POGLUT1: variants seen among roughly 807,000 people sequenced by gnomAD.
POGLUT1 encodes protein O-glucosyltransferase 1, also known as 9630046K23Rik.
Under a neutral mutation model 61.3 loss-of-function variants are expected in POGLUT1, and 32 were observed. The observed-to-expected ratio is 0.52, with a 90% CI of 0.39 to 0.70. The LOEUF (loss-of-function observed/expected upper bound fraction) is 0.70. Among genes scored for constraint, POGLUT1 ranks in the 30% least tolerant of loss-of-function variants. The pLI is 0.00. For missense variants in POGLUT1, 411 were observed against 469.8 expected (o/e 0.87, Z 1.16); for synonymous variants, 158 against 158.2 (o/e 1.00, Z 0.01).
intron 3 of POGLUT1, among the ~76,000 whole-genome samples, chr3:119,473,676 T>A (rs1317283642): frequency 8.0e-5 from 12 of 150,218 alleles, no homozygotes; most frequent in Admixed American, 2.0e-4. Context: ...TTTTTTTTTT[T>A]GAGAGAGAGA....
intron 2 of POGLUT1, 41 bp downstream of exon 2, chr3:119,469,951 C>A: frequency 8.7e-7 from 1 of 1,144,962 alleles, no homozygotes; most frequent in Non-Finnish European, 1.3e-6. Context: ...AGTTTAGTTG[C>A]TGTCACAGGA....
At chr3:119,469,426 G>C (rs2081440380) in intron 1 of POGLUT1, among the ~76,000 whole-genome samples, 1 of 152,266 alleles carries the variant, frequency 6.6e-6, no homozygotes. Flanking sequence ...GGGGATGGGG[G>C]CAAATGTCGT....
chr3:119,480,200 T>C (rs1015903756), intron 5 of POGLUT1, 28 bp downstream of exon 5: 1 of 1,516,278 alleles, frequency 6.6e-7, no homozygotes, highest in Non-Finnish European at 8.9e-7. Flanking sequence ...GTTTTATTTT[T>C]TCTCTTTCTG....
chr3:119,490,825 T>C (rs2081735534), intron 9 of POGLUT1, 107 bp downstream of exon 9: 1 of 926,136 alleles, frequency 1.1e-6, no homozygotes, highest in South Asian at 1.9e-5. Flanking sequence ...AGTCCTACGA[T>C]TTTTTTCCAT....
intron 5 of POGLUT1, among the ~76,000 whole-genome samples, chr3:119,483,259 G>A (rs986690002): frequency 6.6e-6 from 1 of 152,134 alleles, no homozygotes; most frequent in African/African-American, 2.4e-5. Context: ...AGAGCAGAAA[G>A]TTGGAAACTA....
intron 1 of POGLUT1, among the ~76,000 whole-genome samples, chr3:119,469,549 C>T (rs952487022): frequency 1.2e-4 from 18 of 152,190 alleles, no homozygotes; most frequent in Non-Finnish European, 1.9e-4. Flanking sequence ...AAGTGAGAGT[C>T]CGCGTCACTA....
chr3:119,469,013 C>T lies in POGLUT1; in HGVS notation c.-9C>T. ...CCGCAGCGGGGAATCTGCAGTAGGT[C>T]TGCCGGCGATGGAGTGGTGGGCTAG... On this transcript the variant is annotated 5_prime_UTR_variant, in exon 1 of 11. Coordinates refer to ENST00000295588, the MANE Select transcript of POGLUT1 (RefSeq NM_152305.3). 1 of 1,605,672 alleles carries T rather than the reference C, an allele frequency of 6.2e-7. No homozygotes were observed. Among genetic ancestry groups the T allele is most frequent in the Non-Finnish European group, 8.5e-7 (1 of 1,177,298 alleles).
At position 119,494,102 on chromosome 3, in the gene POGLUT1, ATTC is replaced by A. The variant is rs1430220766; in HGVS notation, c.*1665_*1667del. 2.6e-5 allele frequency: 4 copies of A among 152,168 alleles called. No individual in the cohort carries two copies. The highest frequency in any genetic ancestry group is 9.7e-5 in the African/African-American group (4 of 41,440). The allele number at this position is 152,168 out of a possible 1,614,324, so 9.4% of individuals were successfully genotyped here. A position where few individuals can be genotyped will look rare whatever the true frequency, so the allele number is the denominator to read the frequency against. ...CATCACCTTCTTTCTGACTCCTTTC[ATTC>A]ATTCCTCCAGGCAGTAAGGGGCTAC... On this transcript the variant is annotated 3_prime_UTR_variant, in exon 11 of 11. Transcript: ENST00000295588.
intron 5 of POGLUT1, among the ~76,000 whole-genome samples, 190 bp from the exon 6 acceptor site, chr3:119,485,138 A>G (rs1190622766): frequency 6.6e-6 from 1 of 151,776 alleles, no homozygotes; most frequent in Admixed American, 6.6e-5. Context: ...AATGGCATGA[A>G]CCCAGGAAGG....
At chr3:119,475,997 CACAT>C (rs774272017) in intron 3 of POGLUT1, among the ~76,000 whole-genome samples, 6,673 of 95,904 alleles carry the variant, frequency 0.07, 246 homozygotes, top group East Asian at 0.19. Flanking sequence ...CACACACAAA[CACAT>C]ACAGAGTTGC....
Position 119,469,310 on chromosome 3 carries a change from T to G in POGLUT1, c.85+204T>G. The G allele has an allele frequency of 1.7e-5, 10 of 589,396 alleles. No homozygotes were observed. In the South Asian group the frequency reaches 2.0e-4, roughly 12 times the overall value. The allele number at this position is 589,396 out of a possible 1,614,324, so 36.5% of individuals were successfully genotyped here. ...CTCTGGACCCTGGAGAGTAACCCAT[T>G]CCCCGGAATTCAGAATGACAGGGAG... On this transcript the variant is annotated intron_variant, in intron 1 of 10. Coordinates refer to ENST00000295588, the MANE Select transcript of POGLUT1 (RefSeq NM_152305.3).
chr3:119,479,263 C>T (rs1054265417), intron 4 of POGLUT1, among the ~76,000 whole-genome samples: 1 of 152,058 alleles, frequency 6.6e-6, no homozygotes, highest in Non-Finnish European at 1.5e-5. Context: ...TGATAACACC[C>T]CTTCTCATTT....
At chr3:119,480,006 C>G (rs1253815185) in intron 4 of POGLUT1, 45 bp from the exon 5 acceptor site, 2 of 1,610,096 alleles carry the variant, frequency 1.2e-6, no homozygotes, top group African/African-American at 1.3e-5. Flanking sequence ...CCTCTTTTCA[C>G]TGTTCCAAGA....
intron 5 of POGLUT1, among the ~76,000 whole-genome samples, chr3:119,482,496 T>A (rs2081616873): frequency 6.6e-6 from 1 of 152,202 alleles, no homozygotes; most frequent in African/African-American, 2.4e-5. Flanking sequence ...CGTGTAGTTA[T>A]TAATACCATT....
intron 5 of POGLUT1, among the ~76,000 whole-genome samples, chr3:119,480,382 GGGATTACAGGCATGTGCCACCAC>G (rs2081592029): frequency 6.6e-6 from 1 of 151,868 alleles, no homozygotes; most frequent in South Asian, 2.1e-4. Context: ...CCGAGTAGCT[GGGATTACAGGCATGTGCCACCAC>G]ACCCGGCTAA....
At chr3:119,490,374 A>G (rs1014886396) in intron 8 of POGLUT1, 177 bp from the exon 9 acceptor site, 1 of 608,698 alleles carries the variant, frequency 1.6e-6, no homozygotes, top group African/African-American at 1.9e-5. Flanking sequence ...TAGCCCTGGT[A>G]AAGTGGCTGA....
Position 119,490,729 on chromosome 3 carries a change from AT to A in POGLUT1, c.965+12del. On this transcript the variant is annotated intron_variant, in intron 9 of 10. Transcript: ENST00000295588. ...TCTCTCCAATGTCCAGTAAGCAGTT[AT>A]CCCCCAATGCAGAGTTTCTAAAGAC... 1.9e-6 allele frequency: 3 copies of A among 1,611,176 alleles called. No individual in the cohort carries two copies. Among genetic ancestry groups the A allele is most frequent in the Non-Finnish European group, 2.5e-6 (3 of 1,177,956 alleles).
chr3:119,484,090 T>C (rs184130504), intron 5 of POGLUT1, among the ~76,000 whole-genome samples: 377 of 152,106 alleles, frequency 2.5e-3, no homozygotes, highest in Admixed American at 7.1e-3. Flanking sequence ...GGAAGAAGTA[T>C]GGGGAAAACA....
At chr3:119,490,528 G>A (rs1180882398) in intron 8 of POGLUT1, 23 bp from the exon 9 acceptor site, 2 of 1,608,954 alleles carry the variant, frequency 1.2e-6, no homozygotes, top group Middle Eastern at 1.7e-4. Context: ...AGTATCAAAT[G>A]TATTTTGTTC....
Sources: allele counts gnomAD v4.1 joint callset (sites outside exome capture counted in the v4.1 genomes callset), GRCh38; gene constraint gnomAD v4.1.1; transcripts MANE v1.5; gene names NCBI Gene and HGNC (gene_info 2026-07-23, HGNC 2026-07-21).